The following PCDHA4 variants were observed in gnomAD, a reference collection of about 807,000 sequenced individuals.
PCDHA4 encodes the protein protocadherin alpha 4.
PCDHA4 carries 49 observed loss-of-function variants against 61.4 expected under a neutral mutation model. The observed-to-expected ratio is 0.80, with a 90% CI of 0.63 to 1.01. PCDHA4 has a LOEUF of 1.01. Ranked by LOEUF, PCDHA4 falls within the 50% of genes least tolerant of loss-of-function variation. The pLI, the probability that PCDHA4 is intolerant of heterozygous loss-of-function variation, is 0.00. For missense variants in PCDHA4, 1,254 were observed against 1,235.8 expected (o/e 1.01, Z -0.22); for synonymous variants, 590 against 550.3 (o/e 1.07, Z -1.01).
chr5:140,863,163 G>A (rs1554157882), intron 1 of PCDHA4: 4 of 658,702 alleles, frequency 6.1e-6, no homozygotes, highest in Non-Finnish European at 1.1e-5. Flanking sequence ...ACTGCGAGCT[G>A]GCGCTGACTG....
chr5:140,849,671 C>T (rs2150444365), intron 1 of PCDHA4: 6 of 1,598,630 alleles, frequency 3.8e-6, no homozygotes, highest in Middle Eastern at 1.7e-4. Flanking sequence ...TGACGCCCCA[C>T]GTCCCCTTCA....
intron 1 of PCDHA4, among the ~76,000 whole-genome samples, chr5:140,925,773 A>G (rs2082712352): frequency 6.6e-6 from 1 of 151,966 alleles, no homozygotes; most frequent in African/African-American, 2.4e-5. Context: ...TCCTGGTCAA[A>G]CTCTAATGAG....
intron 1 of PCDHA4, among the ~76,000 whole-genome samples, chr5:140,934,797 T>G (rs1045887352): frequency 2.4e-4 from 36 of 152,236 alleles, no homozygotes; most frequent in Admixed American, 1.4e-3. Context: ...CAATTATCTT[T>G]TTAATGATCA....
chr5:140,849,557 G>A (rs2150440607), intron 1 of PCDHA4: 1 of 1,598,482 alleles, frequency 6.3e-7, no homozygotes. Flanking sequence ...CTATCAAAAC[G>A]CTCTCGGTTC....
chr5:140,838,077 AGTGTGTG>A (rs1241834179), intron 1 of PCDHA4, among the ~76,000 whole-genome samples: 11 of 80,662 alleles, frequency 1.4e-4, no homozygotes, highest in African/African-American at 1.8e-4. Context: ...ATATATATAT[AGTGTGTG>A]TGTGTGTGTG....
At chr5:140,846,874 G>A (rs1315132744) in intron 1 of PCDHA4, among the ~76,000 whole-genome samples, 2 of 149,594 alleles carry the variant, frequency 1.3e-5, no homozygotes, top group Admixed American at 6.7e-5. Flanking sequence ...AGGTACAAGA[G>A]GTAAATCAGA....
intron 1 of PCDHA4, chr5:140,882,412 C>A: frequency 6.2e-7 from 1 of 1,614,138 alleles, no homozygotes; most frequent in Non-Finnish European, 8.5e-7. Context: ...TGGGCCGCAT[C>A]GCTCAGGACC....
intron 1 of PCDHA4, among the ~76,000 whole-genome samples, chr5:140,832,976 A>G (rs2150205611): frequency 1.2e-4 from 18 of 152,224 alleles, no homozygotes; most frequent in African/African-American, 4.3e-4. Flanking sequence ...AAATGTACCT[A>G]GAAATGAGGA....
rs1214485732 is a variant in PCDHA4, at chr5:141,010,285, C to T, written c.*348C>T. On this transcript the variant is annotated 3_prime_UTR_variant, in exon 4 of 4. Coordinates refer to ENST00000530339, the MANE Select transcript of PCDHA4 (RefSeq NM_018907.4). The stretch of plus-strand genomic sequence containing the variant: ...CTCCGGGGATCCTGTCTTGATGACA[C>T]TTGCAGGGCAGGCTGAAAAGTTTTG... The T allele has an allele frequency of 1.3e-6, 2 of 1,550,458 alleles. No homozygotes were observed. The highest frequency in any genetic ancestry group is 1.7e-6 in the Non-Finnish European group (2 of 1,146,698).
At chr5:140,973,400 A>G (rs2096585870) in intron 1 of PCDHA4, among the ~76,000 whole-genome samples, 1 of 152,244 alleles carries the variant, frequency 6.6e-6, no homozygotes, top group Non-Finnish European at 1.5e-5. Flanking sequence ...AATCATATCT[A>G]TGAGCTTCCA....
chr5:140,896,721 T>C (rs774174943), intron 1 of PCDHA4, among the ~76,000 whole-genome samples: 1 of 152,176 alleles, frequency 6.6e-6, no homozygotes, highest in Non-Finnish European at 1.5e-5. Flanking sequence ...TGCTTGTTAA[T>C]TTGTTTAAGT....
At chr5:141,003,094 A>G (rs2098111645) in intron 3 of PCDHA4, among the ~76,000 whole-genome samples, 1 of 152,230 alleles carries the variant, frequency 6.6e-6, no homozygotes, top group African/African-American at 2.4e-5. Flanking sequence ...CAGGCCTGGC[A>G]TTTGCTTCAC....
chr5:140,966,234 C>T (rs77272068), intron 1 of PCDHA4: 2,919 of 290,608 alleles, frequency 0.01, 77 homozygotes, highest in African/African-American at 0.056. Context: ...CTTAAAGACC[C>T]GTTAAGCAGG....
chr5:140,926,526 C>G (rs2083305621), intron 1 of PCDHA4: 1 of 209,510 alleles, frequency 4.8e-6, no homozygotes, highest in Non-Finnish European at 9.3e-6. Flanking sequence ...GCCCTGCGCC[C>G]GCAGCCAGCG....
chr5:140,989,019 T>C (rs1429425323), intron 3 of PCDHA4: 1 of 152,238 alleles, frequency 6.6e-6, no homozygotes, highest in East Asian at 1.9e-4. Context: ...TATAGTTTCT[T>C]CAGTTATCAT....
At chr5:140,821,789 G>T (rs1199538378) in intron 1 of PCDHA4, 1 of 1,611,922 alleles carries the variant, frequency 6.2e-7, no homozygotes, top group Admixed American at 1.7e-5. Context: ...GTATATTCCC[G>T]GAGAGGAAGT....
chr5:140,938,793 A>G lies in PCDHA4; in HGVS notation c.2386-40156A>G, dbSNP rs543840345. 2.6e-5 allele frequency among the ~76,000 whole-genome samples: 4 copies of G among 152,268 alleles called. No individual in the cohort carries two copies. The East Asian group carries it at 7.7e-4, about 29-fold the overall frequency. On this transcript the variant is annotated intron_variant, in intron 1 of 3. Coordinates refer to ENST00000530339, the MANE Select transcript of PCDHA4 (RefSeq NM_018907.4). ...AGACTTAGTACCTGAATGATGAAAT[A>G]ATCGGTACCACAAACCCCTGTGACA...
intron 1 of PCDHA4, chr5:140,865,437 T>G (rs951308725): frequency 2.0e-5 from 3 of 152,200 alleles, no homozygotes; most frequent in Admixed American, 6.5e-5. Flanking sequence ...GAAAAATAAC[T>G]TCTGAGAAGA....
chr5:140,885,870 A>T (rs1302417773), intron 1 of PCDHA4, among the ~76,000 whole-genome samples: 1 of 152,162 alleles, frequency 6.6e-6, no homozygotes, highest in African/African-American at 2.4e-5. Context: ...TATTGAAAAA[A>T]AATTTTTAGT....
Sources: gnomAD v4.1 joint callset for allele counts (sites outside exome capture counted in the v4.1 genomes callset) on GRCh38, gnomAD v4.1.1 for gene constraint, MANE v1.5 for transcripts, NCBI Gene and HGNC (gene_info 2026-07-23, HGNC 2026-07-21) for gene names.